GPATCH2: variants seen among roughly 807,000 people sequenced by gnomAD.
GPATCH2 encodes the protein G patch domain-containing protein 2.
A neutral mutation model predicts 58.0 loss-of-function variants in GPATCH2; 51 were observed. The ratio of observed to expected loss-of-function variants is 0.88; its 90% CI spans 0.70 to 1.11. The LOEUF (loss-of-function observed/expected upper bound fraction) is 1.11. GPATCH2 is among the 50% of genes most tolerant of loss of function. GPATCH2 has a pLI of 0.00. For missense variants in GPATCH2, 625 were observed against 652.2 expected (o/e 0.96, Z 0.45); for synonymous variants, 222 against 218.5 (o/e 1.02, Z -0.14).
chr1:217,429,948 T>C lies in GPATCH2; in HGVS notation c.*1197A>G, dbSNP rs186761504. ...GTCTTTACTCAACCAGCAAAGGCCA[T>C]TATAAATAGAATGATAATAATCATC... On this transcript the variant is annotated 3_prime_UTR_variant, in exon 10 of 10. Coordinates refer to ENST00000366935, the MANE Select transcript of GPATCH2 (RefSeq NM_018040.5). 21 of 149,598 alleles carry C rather than the reference T, an allele frequency of 1.4e-4. No homozygotes were observed. The highest frequency in any genetic ancestry group is 1.3e-3 in the Admixed American group (19 of 15,050). 9.3% of individuals were successfully genotyped at this position (149,598 alleles called of 1,614,324 possible).
intron 5 of GPATCH2, among the ~76,000 whole-genome samples, chr1:217,580,793 G>A (rs1477630982): frequency 2.5e-5 from 1 of 39,344 alleles, no homozygotes; most frequent in African/African-American, 7.5e-5. Flanking sequence ...TGGATCATGA[G>A]GTCAGGAGAT....
intron 5 of GPATCH2, among the ~76,000 whole-genome samples, chr1:217,601,173 A>G (rs766711428): frequency 2.6e-5 from 4 of 152,176 alleles, no homozygotes; most frequent in African/African-American, 4.8e-5. Context: ...CGAAGTTCTT[A>G]CATATTAAAT....
At chr1:217,571,703 C>CAAAAAAAAAAAAAAAAAAAAAAAAAAAA (rs11463536) in intron 5 of GPATCH2, among the ~76,000 whole-genome samples, 5 of 73,812 alleles carry the variant, frequency 6.8e-5, no homozygotes, top group East Asian at 5.1e-4. Context: ...AAAACGAAAC[C>CAAAAAAAAAAAAAAAAAAAAAAAAAAAA]AAAAAAAAAA....
intron 1 of GPATCH2, among the ~76,000 whole-genome samples, chr1:217,628,882 A>G (rs1669590709): frequency 6.6e-6 from 1 of 152,100 alleles, no homozygotes. Context: ...TTGAGATATT[A>G]TATCTCATTC....
chr1:217,545,637 T>C (rs1665002099), intron 5 of GPATCH2, among the ~76,000 whole-genome samples: 1 of 152,212 alleles, frequency 6.6e-6, no homozygotes. Flanking sequence ...ATAGGCTTCT[T>C]GGCAGTAGAC....
chr1:217,619,902 T>C lies in GPATCH2; in HGVS notation c.654A>G (p.Arg218=), dbSNP rs556253852. 17 of 1,613,916 alleles carry C rather than the reference T, an allele frequency of 1.1e-5. No individual in the cohort carries two copies. The highest frequency in any genetic ancestry group is 8.9e-5 in the East Asian group (4 of 44,864). ...CTTCATCTTGGATTTTTGGTCCTTG[T>C]CTGATTATTTTCAACTTTCTTTTTT... ...KVKKRKLKII[R]QGPKIQDEGV... The change falls in exon 2 of 10, where the codon AGA becomes AGG. Residue 218 remains arginine, a synonymous_variant. Coordinates refer to ENST00000366935, the MANE Select transcript of GPATCH2 (RefSeq NM_018040.5).
intron 7 of GPATCH2, among the ~76,000 whole-genome samples, chr1:217,496,575 T>C (rs1249913718): frequency 6.6e-6 from 1 of 152,160 alleles, no homozygotes; most frequent in Non-Finnish European, 1.5e-5. Context: ...CAGTGATGGG[T>C]CTTAAAGAGA....
chr1:217,559,821 T>C (rs1268383382), intron 5 of GPATCH2, among the ~76,000 whole-genome samples: 1 of 149,584 alleles, frequency 6.7e-6, no homozygotes, highest in Admixed American at 6.7e-5. Context: ...TATGAACCCA[T>C]TAGCACACAC....
At chr1:217,624,221 G>C (rs544948285) in intron 1 of GPATCH2, among the ~76,000 whole-genome samples, 40 of 151,930 alleles carry the variant, frequency 2.6e-4, no homozygotes, top group African/African-American at 9.4e-4. Context: ...ACATCCCTCA[G>C]TTAAAACTGG....
chr1:217,536,107 C>T (rs889920909), intron 5 of GPATCH2, among the ~76,000 whole-genome samples: 7 of 151,998 alleles, frequency 4.6e-5, no homozygotes, highest in African/African-American at 1.7e-4. Context: ...AATACCAGTA[C>T]TTTTTTAGTC....
intron 5 of GPATCH2, among the ~76,000 whole-genome samples, chr1:217,542,270 C>A (rs1222072299): frequency 6.6e-6 from 1 of 152,140 alleles, no homozygotes; most frequent in African/African-American, 2.4e-5. Flanking sequence ...ATTTTTTCCA[C>A]AGGAAAATAT....
intron 3 of GPATCH2, 139 bp downstream of exon 3, chr1:217,614,002 G>A (rs893595181): frequency 3.4e-5 from 19 of 564,758 alleles, no homozygotes; most frequent in Middle Eastern, 4.4e-4. Context: ...AACCAGCTAC[G>A]ATACTAAATC....
At chr1:217,458,101 G>A (rs1660034916) in intron 8 of GPATCH2, among the ~76,000 whole-genome samples, 1 of 151,940 alleles carries the variant, frequency 6.6e-6, no homozygotes, top group Admixed American at 6.6e-5. Flanking sequence ...GTGGTCGCGG[G>A]CGCCTGTAGT....
intron 1 of GPATCH2, among the ~76,000 whole-genome samples, chr1:217,628,986 C>A (rs1669596162): frequency 6.6e-6 from 1 of 152,034 alleles, no homozygotes; most frequent in African/African-American, 2.4e-5. Context: ...GTTACTTAAA[C>A]CATCTTTGCT....
chr1:217,477,221 C>A (rs957001589), intron 8 of GPATCH2, among the ~76,000 whole-genome samples: 1 of 152,080 alleles, frequency 6.6e-6, no homozygotes, highest in African/African-American at 2.4e-5. Context: ...CCCTGTATAA[C>A]AAGCAGCGAT....
intron 6 of GPATCH2, 43 bp from the exon 7 acceptor site, chr1:217,498,438 A>AAGCACATGCGGCTCGATCATGTGAG: frequency 6.8e-7 from 1 of 1,460,720 alleles, no homozygotes; most frequent in Non-Finnish European, 9.6e-7. Context: ...ACCTAACTAA[A>AAGCACATGCGGCTCGATCATGTGAG]AGCACGTGCT....
At chr1:217,561,948 G>T (rs764136206) in intron 5 of GPATCH2, among the ~76,000 whole-genome samples, 1 of 152,126 alleles carries the variant, frequency 6.6e-6, no homozygotes, top group African/African-American at 2.4e-5. Context: ...TCTCAAGCAG[G>T]TATACTGGAA....
intron 5 of GPATCH2, among the ~76,000 whole-genome samples, chr1:217,540,485 T>C (rs1664684608): frequency 6.6e-6 from 1 of 152,230 alleles, no homozygotes; most frequent in East Asian, 1.9e-4. Flanking sequence ...TAATAAACAA[T>C]AGTCTTCTTG....
chr1:217,618,985 C>A (rs891257565), intron 2 of GPATCH2, among the ~76,000 whole-genome samples: 3 of 151,586 alleles, frequency 2.0e-5, no homozygotes, highest in Non-Finnish European at 2.9e-5. Context: ...AAGATAGCAG[C>A]CCTATAAATT....
Sources: allele counts gnomAD v4.1 joint callset (sites outside exome capture counted in the v4.1 genomes callset), GRCh38; gene constraint gnomAD v4.1.1; transcripts MANE v1.5; gene names NCBI Gene and HGNC (gene_info 2026-07-23, HGNC 2026-07-21).